NLRP2: variants seen among roughly 807,000 people sequenced by gnomAD.
NLRP2 encodes the protein NLR family pyrin domain containing 2, also known as NACHT, LRR and PYD domains-containing protein 2.
In NLRP2, 107 loss-of-function variants were observed where a neutral mutation model predicts 97.2. That is an observed-to-expected ratio of 1.10 (90% CI 0.94 to 1.29). The LOEUF is 1.29. NLRP2 is among the 50% of genes most tolerant of loss of function. The pLI is 0.00. For synonymous variants in NLRP2, 663 were observed against 551.5 expected (o/e 1.20, Z -2.83); for missense variants, 1,495 against 1,330.3 (o/e 1.12, Z -1.93).
At position 54,983,063 on chromosome 19, in the gene NLRP2, G is replaced by T. The variant is rs201883695; in HGVS notation, c.1365G>T (p.Ala455=). The T allele has an allele frequency of 2.5e-6, 4 of 1,612,236 alleles. No individual in the cohort carries two copies. Among genetic ancestry groups the T allele is most frequent in the Non-Finnish European group, 3.4e-6 (4 of 1,179,608 alleles). The change falls in exon 6 of 13, where the codon GCG becomes GCT. Residue 455 remains alanine (A), a synonymous_variant. Coordinates refer to ENST00000448584, the MANE Select transcript of NLRP2 (RefSeq NM_017852.5). ...GALRTLSLLA[A]QGLWAQTSVL... Reference sequence around the variant, plus strand: ...TGCGGACGCTGAGCCTCCTGGCCGCGCAGGGCCTGTGGGCGCAGACGTCCG... The same window carrying T: ...TGCGGACGCTGAGCCTCCTGGCCGCTCAGGGCCTGTGGGCGCAGACGTCCG...
At chr19:54,990,717 C>T (rs776523682) in intron 10 of NLRP2, 45 bp downstream of exon 10, 36 of 1,601,062 alleles carry the variant, frequency 2.2e-5, no homozygotes, top group African/African-American at 4.0e-5. Context: ...TATATGCACA[C>T]GCCCCCCACC....
At chr19:54,990,795 G>T in intron 10 of NLRP2, 123 bp downstream of exon 10, 1 of 999,886 alleles carries the variant, frequency 1.0e-6, no homozygotes, top group South Asian at 1.3e-5. Flanking sequence ...TGATGCTAAT[G>T]ACAACTGGTA....
In NLRP2 at chr19:54,983,320, G is replaced by C; in HGVS notation, c.1622G>C (p.Gly541Ala). 6.2e-7 allele frequency: 1 copy of C among 1,614,196 alleles called. No homozygotes were observed. Among genetic ancestry groups the C allele is most frequent in the Non-Finnish European group, 8.5e-7 (1 of 1,180,022 alleles). ...DIGDVQKLLS[G>A]VERLRNPDLI... ...GGGGACGTACAGAAGCTGCTTTCCGGAGTAGAAAGACTCAGGAACCCCGAC... is the reference window on the plus strand; with the variant it reads ...GGGGACGTACAGAAGCTGCTTTCCGCAGTAGAAAGACTCAGGAACCCCGAC... The change falls in exon 6 of 13, where the codon GGA becomes GCA. Residue 541 changes from glycine (G) to alanine (A), a missense_variant. Coordinates refer to ENST00000448584, the MANE Select transcript of NLRP2 (RefSeq NM_017852.5).
intron 1 of NLRP2, among the ~76,000 whole-genome samples, chr19:54,967,456 T>C (rs1441407369): frequency 6.6e-6 from 1 of 152,152 alleles, no homozygotes; most frequent in African/African-American, 2.4e-5. Flanking sequence ...CTCTCCAGCC[T>C]GCGCAGCAAG....
intron 1 of NLRP2, among the ~76,000 whole-genome samples, chr19:54,968,480 A>G (rs1263131595): frequency 7.1e-6 from 1 of 140,838 alleles, no homozygotes; most frequent in Non-Finnish European, 1.5e-5. Context: ...GCATGCCACT[A>G]TGCCCAGCAC....
rs1198574148 is a variant in NLRP2 at position 54,997,343 on chromosome 19, TC to T, written c.2907del (p.Phe969LeufsTer31). On this transcript the variant is annotated frameshift_variant, in exon 12 of 13. Transcript: ENST00000448584. LOFTEE classifies it high-confidence loss of function. ...TTGTGGGGATGTTCCATCCCTCCGT[TC>T]AGTTGTGAAGACCTCTGCTCTGCCC... Reference protein sequence around the residue: ...LWLWGCSIPPFSCEDLCSALS... With the variant: ...LWLWGCSIPPXSCEDLCSALS... The T allele has an allele frequency of 1.2e-6, 2 of 1,614,012 alleles. No individual in the cohort carries two copies. Among genetic ancestry groups the T allele is most frequent in the Non-Finnish European group, 1.7e-6 (2 of 1,180,036 alleles).
rs1282579359 is a variant in NLRP2, at chr19:54,990,028, G to A, written c.2373G>A (p.Val791=). The part of the protein sequence containing the change: ...PECNLRYLGL[V]SCSATTQQWA... ...GGTCCTATTTCTCCCACAGGTTGGT[G>A]TCTTGTTCCGCTACCACTCAGCAGT... Residue 791 remains valine (V), a synonymous_variant, in exon 9 of 13, where the codon GTG becomes GTA. Transcript: ENST00000448584. 1.2e-6 allele frequency: 2 copies of A among 1,613,730 alleles called. No individual in the cohort carries two copies. Among genetic ancestry groups the A allele is most frequent in the Non-Finnish European group, 8.5e-7 (1 of 1,179,932 alleles).
In NLRP2 at chr19:54,983,446, A is replaced by C. The variant is rs141442342; in HGVS notation, c.1748A>C (p.Gln583Pro). The change falls in exon 6 of 13, where the codon CAG (glutamine) becomes CCG (proline). Residue 583 changes from glutamine to proline, a missense_variant. By Grantham distance (76) the Gln-to-Pro change is moderately conservative (BLOSUM62 -1). Transcript: ENST00000448584. The part of the protein sequence containing the change: ...FGCRMSPDIK[Q>P]ELLRCDISCK... ...TGCCGGATGTCACCGGACATCAAAC[A>C]GGAATTGCTGCGATGCGACATAAGT... 2.7e-5 allele frequency: 44 copies of C among 1,614,106 alleles called. No individual in the cohort carries two copies. The highest frequency in any genetic ancestry group is 3.6e-5 in the Non-Finnish European group (43 of 1,180,058).
rs746799789 is a variant in NLRP2 at position 54,990,169 on chromosome 19, C to T, written c.2514C>T (p.Pro838=). 9.9e-6 allele frequency: 16 copies of T among 1,613,992 alleles called. No homozygotes were observed. The highest frequency in any genetic ancestry group is 1.3e-5 in the African/African-American group (1 of 74,902). Residue 838 remains proline (P), a synonymous_variant, in exon 9 of 13, where the codon CCC becomes CCT. Coordinates refer to ENST00000448584, the MANE Select transcript of NLRP2 (RefSeq NM_017852.5). ...TGCTGTACACAACTTTGAGACACCCCAAGTGCTTTCTGCAGAGGTTGTCGT... is the reference window on the plus strand; with the variant it reads ...TGCTGTACACAACTTTGAGACACCCTAAGTGCTTTCTGCAGAGGTTGTCGT... The part of the protein sequence containing the change: ...AKLLYTTLRH[P]KCFLQRLSLE...
At position 54,993,797 on chromosome 19, in the gene NLRP2, A is replaced by AG. The variant is rs1164650515; in HGVS notation, c.2709-470dup. ...GGCACAAGAATCGCGTGAAACCAGG[A>AG]GGCGGAGGTTGAAGTGAGCCACCGT... On this transcript the variant is annotated intron_variant, in intron 10 of 12. Coordinates refer to ENST00000448584, the MANE Select transcript of NLRP2 (RefSeq NM_017852.5). The AG allele has an allele frequency of 1.1e-5, 3 of 261,984 alleles. No individual in the cohort carries two copies. The Admixed American group carries it at 1.5e-4, about 13-fold the overall frequency. The allele number at this position is 261,984 out of a possible 1,614,324, so 16.2% of individuals were successfully genotyped here.
In NLRP2 at chr19:54,982,164, A is replaced by G. The variant is rs768508889; in HGVS notation, c.466A>G (p.Lys156Glu). 11 of 1,614,000 alleles carry G rather than the reference A, an allele frequency of 6.8e-6. No homozygotes were observed. The highest frequency in any genetic ancestry group is 4.4e-5 in the South Asian group (4 of 91,084). Residue 156 changes from lysine to glutamate, a missense_variant and splice_region_variant, in exon 6 of 13, where the codon AAA becomes GAA. Lys to Glu is a moderately conservative substitution (Grantham distance 56, BLOSUM62 1). Transcript: ENST00000448584. ...TTCCCTCCTCACCAATGATAAAGAC[A>G]AAGACAATAGGTGCAGGTATATATT... is the stretch of plus-strand genomic sequence containing the variant. ...KEVFKGKKPDKDNRCRYILKT... is the reference protein window; with the variant it reads ...KEVFKGKKPDEDNRCRYILKT...
intron 3 of NLRP2, among the ~76,000 whole-genome samples, chr19:54,977,241 G>C (rs2071296062): frequency 6.6e-6 from 1 of 152,022 alleles, no homozygotes; most frequent in South Asian, 2.1e-4. Flanking sequence ...GACCAACGTA[G>C]AGAAACCCTG....
rs115395449 is a variant in NLRP2, at chr19:54,993,820, C to T, written c.2709-449C>T. On this transcript the variant is annotated intron_variant, in intron 10 of 12. Transcript: ENST00000448584. ...GGAGGCGGAGGTTGAAGTGAGCCAC[C>T]GTGCCAGCTGAGAATCCTTTTTACT... is the stretch of plus-strand genomic sequence containing the variant. 301 of 274,672 alleles carry T rather than the reference C, an allele frequency of 1.1e-3. 1 individual carries two copies. Among genetic ancestry groups the T allele is most frequent in the African/African-American group, 6.2e-3 (283 of 45,450 alleles). 17.0% of individuals were successfully genotyped at this position (274,672 alleles called of 1,614,324 possible). A position where few individuals can be genotyped will look rare whatever the true frequency, so the allele number is the denominator to read the frequency against.
intron 12 of NLRP2, among the ~76,000 whole-genome samples, chr19:54,997,707 G>A (rs570352649): frequency 2.6e-5 from 4 of 151,798 alleles, no homozygotes; most frequent in South Asian, 2.1e-4. Flanking sequence ...CGCCCGCCTC[G>A]GCCTCCCAAA....
chr19:54,994,220 T>G, intron 10 of NLRP2, 49 bp from the exon 11 acceptor site: 27 of 1,601,198 alleles, frequency 1.7e-5, no homozygotes, highest in Non-Finnish European at 2.0e-5. Flanking sequence ...ATCACAGCAG[T>G]GAGAACTCAC....
chr19:54,992,575 T>TTTTTTTTTTTTTTTG, intron 10 of NLRP2, among the ~76,000 whole-genome samples: 1 of 45,846 alleles, frequency 2.2e-5, no homozygotes, highest in African/African-American at 8.4e-5. Context: ...TTTTTTTTGG[T>TTTTTTTTTTTTTTTG]TTTTTTTTTT....
chr19:54,970,308 C>A lies in NLRP2; in HGVS notation c.280+13C>A, dbSNP rs762491395. The A allele has an allele frequency of 1.2e-6, 2 of 1,613,938 alleles. No individual in the cohort carries two copies. The highest frequency in any genetic ancestry group is 3.3e-5 in the Admixed American group (2 of 59,988). On this transcript the variant is annotated intron_variant, in intron 2 of 12. Transcript: ENST00000448584. Reference sequence around the variant, plus strand: ...GATGAAGTCAGAGGTGAGTGGAAATCGGTCCACACTGTGTCCTAGGAGGAA... The same window carrying A: ...GATGAAGTCAGAGGTGAGTGGAAATAGGTCCACACTGTGTCCTAGGAGGAA...
At chr19:54,998,804 G>A (rs941103419) in intron 12 of NLRP2, among the ~76,000 whole-genome samples, 1 of 150,742 alleles carries the variant, frequency 6.6e-6, no homozygotes, top group Admixed American at 6.6e-5. Context: ...TTGTGTCCCT[G>A]GGTACTTGAG....
chr19:54,980,060 C>T (rs1238537773), intron 4 of NLRP2, among the ~76,000 whole-genome samples: 1 of 152,030 alleles, frequency 6.6e-6, no homozygotes, highest in African/African-American at 2.4e-5. Context: ...CAGGCGTGAG[C>T]CACTGTGCCC....
Sources: gnomAD v4.1 joint callset for allele counts (sites outside exome capture counted in the v4.1 genomes callset) on GRCh38, gnomAD v4.1.1 for gene constraint, MANE v1.5 for transcripts, NCBI Gene and HGNC (gene_info 2026-07-23, HGNC 2026-07-21) for gene names.